Variants in PARD3B observed in about 807,000 individuals in gnomAD.
The protein encoded by PARD3B is partitioning defective 3 homolog B.
In PARD3B, 103 loss-of-function variants were observed where a neutral mutation model predicts 130.2. The observed-to-expected ratio is 0.79, with a 90% CI of 0.67 to 0.93. PARD3B has a LOEUF of 0.93. PARD3B is among the 40% of genes least tolerant of loss of function. The pLI, the probability that PARD3B is intolerant of heterozygous loss-of-function variation, is 0.00. For missense variants in PARD3B, 1,609 were observed against 1,499.2 expected (o/e 1.07, Z -1.21); for synonymous variants, 583 against 553.2 (o/e 1.05, Z -0.76).
intron 2 of PARD3B, among the ~76,000 whole-genome samples, chr2:204,865,704 G>A (rs1169165201): frequency 6.6e-6 from 1 of 152,034 alleles, no homozygotes; most frequent in Admixed American, 6.6e-5. Flanking sequence ...CAGGTGATGG[G>A]TATACTAAAA....
chr2:205,063,865 C>T (rs1700201285), intron 4 of PARD3B, among the ~76,000 whole-genome samples: 1 of 152,036 alleles, frequency 6.6e-6, no homozygotes, highest in African/African-American at 2.4e-5. Context: ...AGGTATTCTA[C>T]CAACTGACAT....
chr2:204,674,515 C>T (rs2036444531), intron 1 of PARD3B, among the ~76,000 whole-genome samples: 1 of 101,174 alleles, frequency 9.9e-6, no homozygotes, highest in African/African-American at 3.3e-5. Flanking sequence ...GTTTTATAAA[C>T]AGTGTGGGAG....
intron 2 of PARD3B, among the ~76,000 whole-genome samples, chr2:204,919,602 C>T (rs1165735228): frequency 6.6e-6 from 1 of 152,150 alleles, no homozygotes; most frequent in African/African-American, 2.4e-5. Flanking sequence ...GGGTGATATT[C>T]CATTGTATGG....
At chr2:205,586,968 C>T (rs986044338) in intron 22 of PARD3B, among the ~76,000 whole-genome samples, 11 of 152,120 alleles carry the variant, frequency 7.2e-5, no homozygotes, top group South Asian at 2.1e-4. Flanking sequence ...ACAACCTGCA[C>T]GGTGAATTTC....
intron 1 of PARD3B, among the ~76,000 whole-genome samples, chr2:204,617,700 C>G (rs1231183298): frequency 2.0e-5 from 3 of 152,194 alleles, no homozygotes; most frequent in Non-Finnish European, 4.4e-5. Context: ...AACTCCCACT[C>G]TCCACCCTCA....
At chr2:204,639,797 A>T (rs2125151662) in intron 1 of PARD3B, among the ~76,000 whole-genome samples, 1 of 152,314 alleles carries the variant, frequency 6.6e-6, no homozygotes, top group Non-Finnish European at 1.5e-5. Context: ...TTTAAAAGAT[A>T]CATCCTATTA....
chr2:205,030,058 C>T (rs184948740), intron 3 of PARD3B, among the ~76,000 whole-genome samples: 64 of 152,286 alleles, frequency 4.2e-4, no homozygotes, highest in African/African-American at 1.5e-3. Context: ...TGCATCTTTA[C>T]TCTGTAATAC....
At chr2:205,082,949 T>C (rs1191463828) in intron 4 of PARD3B, among the ~76,000 whole-genome samples, 2 of 149,040 alleles carry the variant, frequency 1.3e-5, no homozygotes, top group African/African-American at 4.9e-5. Context: ...AGACACAGTC[T>C]CGCTCTATCG....
At chr2:204,940,422 A>T (rs957962683) in intron 2 of PARD3B, among the ~76,000 whole-genome samples, 2 of 152,054 alleles carry the variant, frequency 1.3e-5, no homozygotes, top group African/African-American at 4.8e-5. Flanking sequence ...TTGACAGGTA[A>T]GTGACTGTGC....
chr2:205,133,594 G>T (rs758807863), intron 10 of PARD3B, among the ~76,000 whole-genome samples: 2 of 152,174 alleles, frequency 1.3e-5, no homozygotes, highest in African/African-American at 4.8e-5. Context: ...TTGCTGACTA[G>T]CTTCAGTGAT....
intron 2 of PARD3B, among the ~76,000 whole-genome samples, chr2:204,729,487 A>G (rs1324505896): frequency 2.0e-5 from 3 of 152,192 alleles, no homozygotes; most frequent in Non-Finnish European, 4.4e-5. Flanking sequence ...ATGACAGTCC[A>G]TCTCACAGAT....
chr2:205,144,694 A>G (rs1480119004), intron 10 of PARD3B, among the ~76,000 whole-genome samples: 3 of 152,216 alleles, frequency 2.0e-5, no homozygotes, highest in Non-Finnish European at 4.4e-5. Context: ...TTTTCATTAA[A>G]ATAGTAAACA....
At position 205,258,129 on chromosome 2, in the gene PARD3B, A is replaced by C. The variant is rs562488720; in HGVS notation, c.2185+12307A>C. 2.6e-5 allele frequency among the ~76,000 whole-genome samples: 4 copies of C among 152,152 alleles called. No individual in the cohort carries two copies. Among genetic ancestry groups the C allele is most frequent in the Non-Finnish European group, 5.9e-5 (4 of 68,018 alleles). On this transcript the variant is annotated intron_variant, in intron 16 of 22. Coordinates refer to ENST00000406610, the MANE Select transcript of PARD3B (RefSeq NM_001302769.2). This position sits in a 1 kb window ranked among gnomAD's most constrained non-coding sequence, Gnocchi z 4.9. ...ATAACAGATGCAATGGTACACTTCC[A>C]TGTGGGCCTGGAAAGCCTTACCAGA...
At chr2:204,794,839 A>G (rs931864129) in intron 2 of PARD3B, among the ~76,000 whole-genome samples, 6 of 152,198 alleles carry the variant, frequency 3.9e-5, no homozygotes, top group African/African-American at 1.2e-4. Context: ...TCTATTATAC[A>G]TGTGGTTTCT....
At chr2:204,614,793 C>T (rs1306094775) in intron 1 of PARD3B, among the ~76,000 whole-genome samples, 1 of 152,128 alleles carries the variant, frequency 6.6e-6, no homozygotes, top group African/African-American at 2.4e-5. Context: ...TGCTCCTCCT[C>T]CCGCTTCACC....
chr2:205,129,094 C>G (rs1226636509), intron 10 of PARD3B, among the ~76,000 whole-genome samples: 1 of 152,212 alleles, frequency 6.6e-6, no homozygotes, highest in Non-Finnish European at 1.5e-5. Flanking sequence ...GCTTAGTATT[C>G]ATTCCTTTAG....
intron 20 of PARD3B, among the ~76,000 whole-genome samples, chr2:205,456,214 C>T (rs1349828768): frequency 6.6e-6 from 1 of 152,034 alleles, no homozygotes; most frequent in African/African-American, 2.4e-5. Flanking sequence ...ATGGATGTAC[C>T]ATTGCTTAAT....
Position 205,258,435 on chromosome 2 carries a change from A to G in PARD3B, c.2185+12613A>G, listed in dbSNP as rs2040180486. ...AATTTCTGTGACCACCCTATCTAAA[A>G]TAGTCACCCAACAAGAAGCCAGTTT... On this transcript the variant is annotated intron_variant, in intron 16 of 22. Transcript: ENST00000406610. The surrounding 1 kb of genome is among the most constrained non-coding windows in gnomAD (Gnocchi z 4.9). 1.3e-5 allele frequency among the ~76,000 whole-genome samples: 2 copies of G among 152,186 alleles called. No homozygotes were observed. The highest frequency in any genetic ancestry group is 2.4e-5 in the African/African-American group (1 of 41,452).
intron 3 of PARD3B, among the ~76,000 whole-genome samples, chr2:205,019,493 A>G (rs1696432772): frequency 6.6e-6 from 1 of 152,112 alleles, no homozygotes; most frequent in African/African-American, 2.4e-5. Flanking sequence ...TCTTCCAAAT[A>G]TATACCTAGG....
Sources: allele counts gnomAD v4.1 joint callset (sites outside exome capture counted in the v4.1 genomes callset), GRCh38; gene constraint gnomAD v4.1.1; non-coding constraint Gnocchi (gnomAD v3.1); transcripts MANE v1.5; gene names NCBI Gene and HGNC (gene_info 2026-07-23, HGNC 2026-07-21).